RCSD1: variants seen among roughly 807,000 people sequenced by gnomAD.
RCSD1 encodes capZ-interacting protein.
In RCSD1, 26 loss-of-function variants were observed where a neutral mutation model predicts 42.5. That is an observed-to-expected ratio of 0.61 (90% CI 0.45 to 0.85). The LOEUF is 0.85. RCSD1 is among the 40% of genes least tolerant of loss of function. The pLI, the probability that RCSD1 is intolerant of heterozygous loss-of-function variation, is 0.00. For missense variants in RCSD1, 571 were observed against 528.3 expected (o/e 1.08, Z -0.79); for synonymous variants, 220 against 212.2 (o/e 1.04, Z -0.32).
At chr1:167,661,693 T>C (rs1181304609) in intron 1 of RCSD1, among the ~76,000 whole-genome samples, 1 of 152,228 alleles carries the variant, frequency 6.6e-6, no homozygotes, top group Non-Finnish European at 1.5e-5. Flanking sequence ...AGTTCCGCTG[T>C]CGATTAATAT....
rs1169320822 is a variant in RCSD1 at position 167,683,975 on chromosome 1, A to T, written c.82A>T (p.Arg28Trp). Residue 28 changes from arginine to tryptophan, a missense_variant, in exon 2 of 7, where the codon AGG becomes TGG. Transcript: ENST00000367854. ...PSVAQLAGRF[R>W]EQAAAAKETP... Reference sequence around the variant, plus strand: ...GGTGGCCCAGCTGGCCGGGCGGTTTAGGGAGCAGGCGGCTGCAGCCAAGGA... The same window carrying T: ...GGTGGCCCAGCTGGCCGGGCGGTTTTGGGAGCAGGCGGCTGCAGCCAAGGA... 2 of 1,613,896 alleles carry T rather than the reference A, an allele frequency of 1.2e-6. No individual in the cohort carries two copies. The highest frequency in any genetic ancestry group is 1.7e-6 in the Non-Finnish European group (2 of 1,180,030).
At chr1:167,682,583 G>A (rs1659107968) in intron 1 of RCSD1, among the ~76,000 whole-genome samples, 1 of 152,068 alleles carries the variant, frequency 6.6e-6, no homozygotes, top group South Asian at 2.1e-4. Context: ...ATCTTAGAAT[G>A]ACTAAAGTTA....
chr1:167,686,101 T>A (rs1659229412), intron 3 of RCSD1, among the ~76,000 whole-genome samples: 1 of 152,220 alleles, frequency 6.6e-6, no homozygotes, highest in Non-Finnish European at 1.5e-5. Flanking sequence ...AATAGGTTCT[T>A]AGCCTGCATA....
intron 6 of RCSD1, among the ~76,000 whole-genome samples, chr1:167,701,390 C>T (rs1350220244): frequency 6.6e-6 from 1 of 151,716 alleles, no homozygotes; most frequent in Non-Finnish European, 1.5e-5. Flanking sequence ...ACTGCAAACT[C>T]TGCCTCCCAG....
chr1:167,663,782 C>T (rs1424342999), intron 1 of RCSD1: 1 of 152,252 alleles, frequency 6.6e-6, no homozygotes, highest in Non-Finnish European at 1.5e-5. Flanking sequence ...AGGGAGCCCA[C>T]ATTTTGACTA....
chr1:167,694,291 T>G lies in RCSD1; in HGVS notation c.463T>G (p.Cys155Gly). 2 of 1,614,014 alleles carry G rather than the reference T, an allele frequency of 1.2e-6. No individual in the cohort carries two copies. The highest frequency in any genetic ancestry group is 1.7e-6 in the Non-Finnish European group (2 of 1,179,952). Reference sequence around the variant, plus strand: ...GCCCCCTGAAGGCAGTCATCTGCCCTGTTACAACAAGGTAAATTCTAGCTC... The same window carrying G: ...GCCCCCTGAAGGCAGTCATCTGCCCGGTTACAACAAGGTAAATTCTAGCTC... ...DQPPEGSHLP[C>G]YNKVRTRGSI... Residue 155 changes from cysteine to glycine, a missense_variant, in exon 5 of 7, where the codon TGT becomes GGT. Cys to Gly is a radical substitution (Grantham distance 159, BLOSUM62 -3). Coordinates refer to ENST00000367854, the MANE Select transcript of RCSD1 (RefSeq NM_052862.4).
chr1:167,700,382 C>T (rs1326040815), intron 6 of RCSD1, among the ~76,000 whole-genome samples: 6 of 152,080 alleles, frequency 3.9e-5, no homozygotes, highest in Admixed American at 2.6e-4. Flanking sequence ...GGCGTGGTGG[C>T]TCACACCTGT....
At chr1:167,695,039 T>A (rs1252370069) in intron 5 of RCSD1, among the ~76,000 whole-genome samples, 1 of 151,656 alleles carries the variant, frequency 6.6e-6, no homozygotes, top group African/African-American at 2.4e-5. Flanking sequence ...GATGGAGAAA[T>A]GAGATCTTCT....
At chr1:167,693,231 G>A (rs1307971195) in intron 4 of RCSD1, among the ~76,000 whole-genome samples, 1 of 152,132 alleles carries the variant, frequency 6.6e-6, no homozygotes, top group African/African-American at 2.4e-5. Flanking sequence ...GCAGCTCTGT[G>A]GTGATTTGGG....
chr1:167,664,640 C>T (rs1658611895), intron 1 of RCSD1: 1 of 152,240 alleles, frequency 6.6e-6, no homozygotes, highest in Non-Finnish European at 1.5e-5. Context: ...TGTTATGGCT[C>T]ACGCCTGTAA....
At chr1:167,669,217 A>G (rs1558082877) in intron 1 of RCSD1, among the ~76,000 whole-genome samples, 1 of 152,278 alleles carries the variant, frequency 6.6e-6, no homozygotes, top group South Asian at 2.1e-4. Context: ...TCATGGACAA[A>G]TAATTATAGG....
chr1:167,650,561 G>A (rs747661602), intron 1 of RCSD1, among the ~76,000 whole-genome samples: 43 of 152,180 alleles, frequency 2.8e-4, no homozygotes, highest in Admixed American at 5.9e-4. Flanking sequence ...CTACCAGGAG[G>A]CCTGTGCTCT....
At chr1:167,688,943 AT>A (rs1324240316) in intron 3 of RCSD1, among the ~76,000 whole-genome samples, 9 of 151,738 alleles carry the variant, frequency 5.9e-5, no homozygotes, top group African/African-American at 2.2e-4. Context: ...CCATTCTCAC[AT>A]GTTTGTGGGG....
At chr1:167,654,141 G>A (rs151025614) in intron 1 of RCSD1, among the ~76,000 whole-genome samples, 209 of 152,338 alleles carry the variant, frequency 1.4e-3, no homozygotes, top group Non-Finnish European at 2.2e-3. Flanking sequence ...CATGGTAAAT[G>A]TTTAATAAGT....
At chr1:167,668,699 C>T (rs1658721433) in intron 1 of RCSD1, among the ~76,000 whole-genome samples, 1 of 129,412 alleles carries the variant, frequency 7.7e-6, no homozygotes. Context: ...GCCTGGAATA[C>T]AGAAATAATG....
In RCSD1 at chr1:167,697,470, G is replaced by A. The variant is rs372583551; in HGVS notation, c.846G>A (p.Pro282=). ...AGCACCCGGCCCAAGAGGAGGTCCC[G>A]GAATCGCCCCAGACCTCTGGCCCAG... ...DGQHPAQEEV[P]ESPQTSGPEA... The change falls in exon 6 of 7, where the codon CCG becomes CCA. Residue 282 remains proline (P), a synonymous_variant. Transcript: ENST00000367854. The A allele has an allele frequency of 3.2e-5, 52 of 1,610,200 alleles. No homozygotes were observed. Among genetic ancestry groups the A allele is most frequent in the African/African-American group, 4.0e-5 (3 of 74,834 alleles).
At chr1:167,689,493 AAAAAG>A (rs1382535640) in intron 3 of RCSD1, among the ~76,000 whole-genome samples, 2 of 137,078 alleles carry the variant, frequency 1.5e-5, no homozygotes, top group African/African-American at 5.4e-5. Flanking sequence ...AAAAAAAAAA[AAAAAG>A]AAAAGAAAAG....
intron 6 of RCSD1, among the ~76,000 whole-genome samples, chr1:167,703,823 C>CA (rs1659698127): frequency 6.6e-6 from 1 of 152,198 alleles, no homozygotes; most frequent in African/African-American, 2.4e-5. Flanking sequence ...CCTCTTTGCC[C>CA]AAATGCCTGC....
chr1:167,685,806 G>C (rs1303745700), intron 3 of RCSD1, among the ~76,000 whole-genome samples: 4 of 152,110 alleles, frequency 2.6e-5, no homozygotes, highest in Non-Finnish European at 5.9e-5. Flanking sequence ...ATTATTAACA[G>C]ACCCAATTCA....
Sources: gnomAD v4.1 joint callset for allele counts (sites outside exome capture counted in the v4.1 genomes callset) on GRCh38, gnomAD v4.1.1 for gene constraint, MANE v1.5 for transcripts, NCBI Gene and HGNC (gene_info 2026-07-23, HGNC 2026-07-21) for gene names.